The following CSMD1 variants were observed in gnomAD, a reference collection of about 807,000 sequenced individuals.
The protein encoded by CSMD1 is CUB and sushi domain-containing protein 1.
CSMD1 carries 213 observed loss-of-function variants against 417.5 expected under a neutral mutation model. The ratio of observed to expected loss-of-function variants is 0.51; its 90% CI spans 0.46 to 0.57. The LOEUF is 0.57. CSMD1 is among the 20% of genes least tolerant of loss of function. The pLI is 0.00. For missense variants in CSMD1, 6,923 were observed against 4,529.7 expected (o/e 1.53, Z -15.17); for synonymous variants, 2,862 against 1,736.8 (o/e 1.65, Z -16.11).
intron 11 of CSMD1, among the ~76,000 whole-genome samples, chr8:3,477,371 T>A (rs1386952960): frequency 6.6e-6 from 1 of 152,254 alleles, no homozygotes; most frequent in Non-Finnish European, 1.5e-5. Flanking sequence ...GTAGTCTTTA[T>A]GTTCCTTTAA....
chr8:3,923,240 A>T (rs570184628), intron 5 of CSMD1, among the ~76,000 whole-genome samples: 20 of 152,098 alleles, frequency 1.3e-4, no homozygotes, highest in Admixed American at 5.9e-4. Context: ...CTGGTGGTGA[A>T]TCTTCCAGAG....
chr8:4,948,943 A>T (rs1218525482), intron 1 of CSMD1, among the ~76,000 whole-genome samples: 1 of 152,182 alleles, frequency 6.6e-6, no homozygotes, highest in Non-Finnish European at 1.5e-5. Context: ...ATATAATTTT[A>T]GATGTACTTT....
Position 4,676,731 on chromosome 8 carries a change from C to T in CSMD1, c.86-39173G>A, listed in dbSNP as rs559970217. 2.6e-5 allele frequency among the ~76,000 whole-genome samples: 4 copies of T among 152,094 alleles called. No homozygotes were observed. The East Asian group carries it at 7.7e-4, about 29-fold the overall frequency. On this transcript the variant is annotated intron_variant, in intron 1 of 69. Transcript: ENST00000635120. ...TAGTTTGTGTTTCTAGATCTCTCCC[C>T]CAGCCCTCCTGCCCTTAGTTTGTTC...
At chr8:3,972,041 G>C (rs967264619) in intron 5 of CSMD1, among the ~76,000 whole-genome samples, 7 of 151,930 alleles carry the variant, frequency 4.6e-5, no homozygotes, top group African/African-American at 1.5e-4. Context: ...TAAGTAATTT[G>C]TAAATTTTTC....
rs192490201 is a variant in CSMD1, at chr8:4,734,543, G to C, written c.86-96985C>G. On this transcript the variant is annotated intron_variant, in intron 1 of 69. Coordinates refer to ENST00000635120, the MANE Select transcript of CSMD1 (RefSeq NM_033225.6). ...CTGTTGAAGATTTAGAAACGTATTTGGTAGCGAAGTATAAGTAAATGCTGG... is the reference window on the plus strand; with the variant it reads ...CTGTTGAAGATTTAGAAACGTATTTCGTAGCGAAGTATAAGTAAATGCTGG... Among the ~76,000 whole-genome samples the C allele has an allele frequency of 1.7e-3, 254 of 152,158 alleles. 1 individual carries two copies. Among genetic ancestry groups the C allele is most frequent in the African/African-American group, 5.8e-3 (239 of 41,546 alleles).
At chr8:4,182,458 A>G (rs1328701329) in intron 3 of CSMD1, among the ~76,000 whole-genome samples, 1 of 152,136 alleles carries the variant, frequency 6.6e-6, no homozygotes, top group African/African-American at 2.4e-5. Flanking sequence ...AATGTGGATT[A>G]AAACATTGTT....
At chr8:3,660,462 A>T (rs1255844997) in intron 7 of CSMD1, among the ~76,000 whole-genome samples, 1 of 143,232 alleles carries the variant, frequency 7.0e-6, no homozygotes, top group Non-Finnish European at 1.5e-5. Flanking sequence ...TATGTAAACT[A>T]GGGCTCAGAT....
chr8:3,586,110 G>A, intron 9 of CSMD1, 26 bp downstream of exon 9: 1 of 1,602,746 alleles, frequency 6.2e-7, no homozygotes, highest in Non-Finnish European at 8.5e-7. Context: ...AGATAATCCA[G>A]GCTTTACCCA....
chr8:4,865,713 C>G (rs918503611), intron 1 of CSMD1, among the ~76,000 whole-genome samples: 6 of 151,742 alleles, frequency 4.0e-5, no homozygotes, highest in Admixed American at 6.6e-5. Flanking sequence ...TGTTCTAATG[C>G]AAAATGTATC....
intron 5 of CSMD1, among the ~76,000 whole-genome samples, chr8:3,894,608 G>C (rs1007053256): frequency 6.6e-6 from 1 of 152,100 alleles, no homozygotes; most frequent in Non-Finnish European, 1.5e-5. Flanking sequence ...GCTATTTACA[G>C]AAAATAAATG....
intron 5 of CSMD1, among the ~76,000 whole-genome samples, chr8:3,994,303 C>G (rs1461935201): frequency 1.3e-5 from 2 of 152,016 alleles, no homozygotes; most frequent in African/African-American, 4.8e-5. Flanking sequence ...GTGTTCCCAG[C>G]CAAGACTATA....
At chr8:4,023,317 G>A (rs2688333) in intron 4 of CSMD1, among the ~76,000 whole-genome samples, 117,082 of 152,068 alleles carry the variant, frequency 0.77, 45,171 homozygotes, top group South Asian at 0.85. Context: ...TGAGCAAAGA[G>A]TATTTCTGTT....
chr8:4,260,375 TG>T (rs1442804281), intron 3 of CSMD1, among the ~76,000 whole-genome samples: 1 of 152,216 alleles, frequency 6.6e-6, no homozygotes, highest in East Asian at 1.9e-4. Flanking sequence ...AGGAGTTATT[TG>T]TATACTTCGG....
chr8:3,878,997 A>T (rs917031272), intron 5 of CSMD1, among the ~76,000 whole-genome samples: 1 of 152,184 alleles, frequency 6.6e-6, no homozygotes, highest in African/African-American at 2.4e-5. Flanking sequence ...AAAAAATAAT[A>T]TATTAGTACT....
At chr8:4,808,266 A>T (rs1798701250) in intron 1 of CSMD1, among the ~76,000 whole-genome samples, 1 of 152,198 alleles carries the variant, frequency 6.6e-6, no homozygotes, top group African/African-American at 2.4e-5. Context: ...CATTTACTAC[A>T]GATGCTGGTT....
At chr8:3,880,430 G>C (rs1806130851) in intron 5 of CSMD1, among the ~76,000 whole-genome samples, 2 of 152,170 alleles carry the variant, frequency 1.3e-5, no homozygotes, top group East Asian at 1.9e-4. Context: ...TCCAGGATTT[G>C]AGTGATATTT....
rs2128976520 is a variant in CSMD1, at chr8:3,029,521, G to A, written c.7661-8C>T. 1 of 1,581,210 alleles carries A rather than the reference G, an allele frequency of 6.3e-7. No individual in the cohort carries two copies. Among genetic ancestry groups the A allele is most frequent in the South Asian group, 1.2e-5 (1 of 86,606 alleles). ...TGCTGGGGCAAGCGACCGCTGGAAG[G>A]GAAACGTACATCACATCATCATTTT... is the stretch of plus-strand genomic sequence containing the variant. On this transcript the variant is annotated splice_polypyrimidine_tract_variant and splice_region_variant and intron_variant, in intron 50 of 69. Transcript: ENST00000635120.
chr8:3,965,416 T>C (rs1812614737), intron 5 of CSMD1, among the ~76,000 whole-genome samples: 1 of 152,152 alleles, frequency 6.6e-6, no homozygotes, highest in South Asian at 2.1e-4. Flanking sequence ...ATGGTTTTCG[T>C]GATGGCCTTC....
intron 2 of CSMD1, among the ~76,000 whole-genome samples, chr8:4,484,225 T>C (rs1446459874): frequency 6.6e-6 from 1 of 152,058 alleles, no homozygotes; most frequent in Non-Finnish European, 1.5e-5. Context: ...AACCTTGCTT[T>C]CTGATTGTTT....
Sources: allele counts gnomAD v4.1 joint callset (sites outside exome capture counted in the v4.1 genomes callset), GRCh38; gene constraint gnomAD v4.1.1; transcripts MANE v1.5; gene names NCBI Gene and HGNC (gene_info 2026-07-23, HGNC 2026-07-21).